PAPPA2: variants seen among roughly 807,000 people sequenced by gnomAD.
PAPPA2 encodes pappalysin 2, also known as pappalysin-2.
Under a neutral mutation model 176.4 loss-of-function variants are expected in PAPPA2, and 86 were observed. That is an observed-to-expected ratio of 0.49 (90% confidence interval 0.41 to 0.58). The LOEUF (loss-of-function observed/expected upper bound fraction) is 0.58. Ranked by LOEUF, PAPPA2 falls within the 20% of genes least tolerant of loss-of-function variation. PAPPA2 has a pLI of 0.00. For synonymous variants in PAPPA2, 809 were observed against 852.2 expected (o/e 0.95, Z 0.88); for missense variants, 2,073 against 2,256.9 (o/e 0.92, Z 1.65).
intron 3 of PAPPA2, 129 bp downstream of exon 3, chr1:176,595,724 GT>G (rs1270044057): frequency 1.1e-6 from 1 of 919,550 alleles, no homozygotes; most frequent in East Asian, 2.7e-5. Context: ...CCATCAGACA[GT>G]ATTAAGCTTT....
At position 176,739,968 on chromosome 1, in the gene PAPPA2, G is replaced by A. The variant is rs189803443; in HGVS notation, c.3935-12G>A. 262 of 1,612,240 alleles carry A rather than the reference G, an allele frequency of 1.6e-4. 1 individual carries two copies. The African/African-American group carries it at 2.7e-3, about 16-fold the overall frequency. The stretch of plus-strand genomic sequence containing the variant: ...ATGGCTGAAAATATGATTCATCTCC[G>A]TTTATCTTCAGGAACCTATGGACTG... On this transcript the variant is annotated splice_polypyrimidine_tract_variant and intron_variant, in intron 13 of 22. Transcript: ENST00000367662.
chr1:176,682,299 G>A (rs372579933), intron 4 of PAPPA2, among the ~76,000 whole-genome samples: 2 of 152,264 alleles, frequency 1.3e-5, no homozygotes, highest in East Asian at 3.9e-4. Context: ...AAGAAGTTTG[G>A]CTGTGAAGGC....
At chr1:176,496,630 T>G (rs988603863) in intron 1 of PAPPA2, among the ~76,000 whole-genome samples, 5 of 152,168 alleles carry the variant, frequency 3.3e-5, no homozygotes, top group African/African-American at 1.2e-4. Flanking sequence ...GATTTCCTCT[T>G]TAGCTTATTG....
chr1:176,533,313 T>C (rs1649910485), intron 1 of PAPPA2, among the ~76,000 whole-genome samples: 1 of 152,214 alleles, frequency 6.6e-6, no homozygotes, highest in Non-Finnish European at 1.5e-5. Flanking sequence ...AAGTACATGG[T>C]TCTGCTTGAA....
intron 3 of PAPPA2, among the ~76,000 whole-genome samples, chr1:176,618,058 C>T (rs1254345163): frequency 6.6e-6 from 1 of 152,164 alleles, no homozygotes; most frequent in African/African-American, 2.4e-5. Flanking sequence ...AGATGACATA[C>T]TAAGTGTGAA....
At chr1:176,544,952 C>T (rs1650551843) in intron 1 of PAPPA2, among the ~76,000 whole-genome samples, 1 of 152,190 alleles carries the variant, frequency 6.6e-6, no homozygotes, top group African/African-American at 2.4e-5. Context: ...GGGCACGGAG[C>T]TCCCATGTCC....
Position 176,710,052 on chromosome 1 carries a change from T to C in PAPPA2, c.3527T>C (p.Ile1176Thr). 1 of 1,613,508 alleles carries C rather than the reference T, an allele frequency of 6.2e-7. No homozygotes were observed. The highest frequency in any genetic ancestry group is 8.5e-7 in the Non-Finnish European group (1 of 1,179,650). The change falls in exon 11 of 23, where the codon ATT (isoleucine) becomes ACT (threonine). Residue 1176 changes from isoleucine (I) to threonine (T), a missense_variant. Ile to Thr is a moderately conservative substitution (Grantham distance 89, BLOSUM62 -1). This residue lies in a region of PAPPA2 where 846 missense variants were observed against 857.9 expected (regional missense o/e 0.99). Coordinates refer to ENST00000367662, the MANE Select transcript of PAPPA2 (RefSeq NM_020318.3). ...ICEPFERKTS[I>T]VDCGIYTPKG... is the part of the protein sequence containing the mutation. ...GAACCTTTTGAGAGAAAAACCAGCA[T>C]TGTAGACTGTGGCATCTACACTCCC...
intron 12 of PAPPA2, among the ~76,000 whole-genome samples, chr1:176,727,756 T>C (rs1414274083): frequency 6.6e-6 from 1 of 151,982 alleles, no homozygotes; most frequent in Non-Finnish European, 1.5e-5. Flanking sequence ...AAAACAACTG[T>C]AGAATGCTCA....
At chr1:176,472,293 G>A (rs776178430) in intron 1 of PAPPA2, among the ~76,000 whole-genome samples, 28 of 152,120 alleles carry the variant, frequency 1.8e-4, no homozygotes, top group Admixed American at 1.3e-4. Flanking sequence ...GTGTATCCAT[G>A]TGTTCCTATA....
chr1:176,683,319 G>A (rs925432551), intron 4 of PAPPA2, among the ~76,000 whole-genome samples: 1 of 152,016 alleles, frequency 6.6e-6, no homozygotes, highest in Non-Finnish European at 1.5e-5. Context: ...GAAGGCATGT[G>A]TTCTCCTGCT....
chr1:176,607,454 A>G (rs1027560803), intron 3 of PAPPA2, among the ~76,000 whole-genome samples: 1 of 152,220 alleles, frequency 6.6e-6, no homozygotes, highest in Non-Finnish European at 1.5e-5. Flanking sequence ...GAGTGAGAGC[A>G]TGCAACATTT....
chr1:176,773,562 G>A (rs1199125280), intron 17 of PAPPA2, among the ~76,000 whole-genome samples: 2 of 152,186 alleles, frequency 1.3e-5, no homozygotes, highest in Non-Finnish European at 2.9e-5. Context: ...TGCTGGGCAT[G>A]ACCCTGAGCA....
intron 3 of PAPPA2, among the ~76,000 whole-genome samples, chr1:176,669,008 C>T: frequency 6.6e-6 from 1 of 152,016 alleles, no homozygotes; most frequent in East Asian, 1.9e-4. Flanking sequence ...ATTAGTGGAA[C>T]TGGTGGGTTG....
chr1:176,710,964 C>A (rs780538399), intron 11 of PAPPA2, among the ~76,000 whole-genome samples: 22 of 152,174 alleles, frequency 1.4e-4, no homozygotes, highest in Non-Finnish European at 2.8e-4. Context: ...TTCTCCTAGG[C>A]GTGAAGTCAG....
chr1:176,769,804 G>T lies in PAPPA2; in HGVS notation c.4501+20G>T. 1 of 1,577,316 alleles carries T rather than the reference G, an allele frequency of 6.3e-7. No individual in the cohort carries two copies. Among genetic ancestry groups the T allele is most frequent in the South Asian group, 1.2e-5 (1 of 85,112 alleles). ...TGCAAGGTATTGTCTGGTCAACCAGGAACTGTATGCAAGTTCTCTGCCATC... is the reference window on the plus strand; with the variant it reads ...TGCAAGGTATTGTCTGGTCAACCAGTAACTGTATGCAAGTTCTCTGCCATC... On this transcript the variant is annotated intron_variant, in intron 16 of 22. Transcript: ENST00000367662.
At chr1:176,753,269 G>A (rs554583820) in intron 14 of PAPPA2, among the ~76,000 whole-genome samples, 1 of 152,306 alleles carries the variant, frequency 6.6e-6, no homozygotes, top group African/African-American at 2.4e-5. Context: ...CATCCCTGCT[G>A]TAATCAGTCT....
intron 4 of PAPPA2, among the ~76,000 whole-genome samples, chr1:176,678,798 C>A (rs1326654595): frequency 6.6e-6 from 1 of 151,738 alleles, no homozygotes; most frequent in Non-Finnish European, 1.5e-5. Flanking sequence ...AAAACACTGT[C>A]TAGGTTCTCA....
chr1:176,466,246 C>T (rs567002360), intron 1 of PAPPA2, among the ~76,000 whole-genome samples: 1 of 152,182 alleles, frequency 6.6e-6, no homozygotes, highest in East Asian at 1.9e-4. Flanking sequence ...AAAATTGCTG[C>T]AAAGGCCAAA....
chr1:176,613,756 A>G (rs1320489737), intron 3 of PAPPA2, among the ~76,000 whole-genome samples: 1 of 152,320 alleles, frequency 6.6e-6, no homozygotes, highest in East Asian at 1.9e-4. Flanking sequence ...AAAATAAGGA[A>G]CATGATCAGG....
Sources: gnomAD v4.1 joint callset for allele counts (sites outside exome capture counted in the v4.1 genomes callset) on GRCh38, gnomAD v4.1.1 for gene constraint, gnomAD v4.1.1 regional missense constraint, MANE v1.5 for transcripts, NCBI Gene and HGNC (gene_info 2026-07-23, HGNC 2026-07-21) for gene names.